GRIP1: variants seen among roughly 807,000 people sequenced by gnomAD.
GRIP1 encodes glutamate receptor-interacting protein 1.
In GRIP1, 45 loss-of-function variants were observed where a neutral mutation model predicts 129.9. The ratio of observed to expected loss-of-function variants is 0.35; its 90% CI spans 0.27 to 0.44. The LOEUF (loss-of-function observed/expected upper bound fraction) is 0.44, where lower values mean the gene tolerates loss of function less well. Ranked by LOEUF, GRIP1 falls within the 20% of genes least tolerant of loss-of-function variation. The probability of loss-of-function intolerance (pLI) is 1.00; values close to 1 mark genes in which losing one functional copy is unlikely to be tolerated. For missense variants in GRIP1, 1,196 were observed against 1,396.8 expected (o/e 0.86, Z 2.29); for synonymous variants, 530 against 520.8 (o/e 1.02, Z -0.24).
At chr12:66,976,324 T>C (rs1308859731) in intron 1 of GRIP1, among the ~76,000 whole-genome samples, 2 of 152,216 alleles carry the variant, frequency 1.3e-5, no homozygotes, top group Admixed American at 1.3e-4. Flanking sequence ...GTATTGGTGA[T>C]TTATATATCG....
At chr12:66,886,988 T>C (rs2040576349) in intron 1 of GRIP1, among the ~76,000 whole-genome samples, 2 of 152,222 alleles carry the variant, frequency 1.3e-5, no homozygotes, top group African/African-American at 4.8e-5. Flanking sequence ...TGTGCCCTTT[T>C]CACTCTATCT....
In GRIP1 at chr12:66,828,754, G is replaced by A. The variant is rs148170806; in HGVS notation, c.59-231827C>T. Among the ~76,000 whole-genome samples, 379 of 152,278 alleles carry A rather than the reference G, an allele frequency of 2.5e-3. 2 individuals carry two copies. Among genetic ancestry groups the A allele is most frequent in the African/African-American group, 8.7e-3 (361 of 41,550 alleles). ...GCCTTCTGAGAGTCGCACTATACTT[G>A]CTGCCATATCCCTCTGCAGACTTAG... On this transcript the variant is annotated intron_variant, in intron 1 of 1. Transcript: ENST00000643019.
At chr12:66,890,123 C>A (rs924693760) in intron 1 of GRIP1, among the ~76,000 whole-genome samples, 1 of 151,992 alleles carries the variant, frequency 6.6e-6, no homozygotes, top group Non-Finnish European at 1.5e-5. Context: ...GAGACAGGGT[C>A]TCACTATGTT....
At chr12:66,426,210 A>AT (rs1289225702) in intron 14 of GRIP1, among the ~76,000 whole-genome samples, 8 of 152,110 alleles carry the variant, frequency 5.3e-5, no homozygotes, top group Non-Finnish European at 8.8e-5. Flanking sequence ...ATTCTAAGAC[A>AT]TTTATACAAT....
At position 66,379,442 on chromosome 12, in the gene GRIP1, A is replaced by T. The variant is rs911932585; in HGVS notation, c.2465-6T>A. 1 of 1,613,974 alleles carries T rather than the reference A, an allele frequency of 6.2e-7. No homozygotes were observed. Among genetic ancestry groups the T allele is most frequent in the Non-Finnish European group, 8.5e-7 (1 of 1,179,814 alleles). On this transcript the variant is annotated splice_region_variant and splice_polypyrimidine_tract_variant and intron_variant, in intron 19 of 24. Transcript: ENST00000359742. ...TGAGGCCTGAAAACTAGTGCCTAAA[A>T]TATAAACAAGGTGTTAGCATTGGGC...
At chr12:66,942,260 C>T (rs1175991887) in intron 1 of GRIP1, among the ~76,000 whole-genome samples, 1 of 151,824 alleles carries the variant, frequency 6.6e-6, no homozygotes, top group Non-Finnish European at 1.5e-5. Flanking sequence ...TCTTTCTTTT[C>T]CCATCCCTTT....
intron 7 of GRIP1, among the ~76,000 whole-genome samples, chr12:66,468,679 G>GTT (rs35563749): frequency 0.034 from 5,078 of 149,050 alleles, 218 homozygotes; most frequent in African/African-American, 0.1. Context: ...CCTTAAGTTA[G>GTT]TTTTTTTTTT....
intron 1 of GRIP1, among the ~76,000 whole-genome samples, chr12:66,690,208 C>T (rs2034931506): frequency 1.3e-5 from 2 of 152,262 alleles, no homozygotes; most frequent in African/African-American, 4.8e-5. Flanking sequence ...GCGTGAACCA[C>T]CACATCCAGC....
rs71088237 is a variant in GRIP1, at chr12:67,057,436, T to TAAAA, written c.58+11610_58+11613dup. Reference sequence around the variant, plus strand: ...AATGAATTTCTACCCTCCAAGAACGTAAAAAAAAAAAAAAAAAAACTCCTG... The same window carrying TAAAA: ...AATGAATTTCTACCCTCCAAGAACGTAAAAAAAAAAAAAAAAAAAAAAACTCCTG... On this transcript the variant is annotated intron_variant, in intron 1 of 1. Coordinates refer to the GRIP1 transcript ENST00000643019. Among the ~76,000 whole-genome samples the TAAAA allele has an allele frequency of 3.7e-3, 472 of 126,782 alleles. 4 individuals carry two copies. Among genetic ancestry groups the TAAAA allele is most frequent in the African/African-American group, 0.013 (432 of 32,566 alleles). The allele number at this position is 126,782 out of a possible 152,430, so 83.2% of individuals were successfully genotyped here. A position where few individuals can be genotyped will look rare whatever the true frequency, so the allele number is the denominator to read the frequency against.
chr12:66,682,812 T>TATATC (rs1273016404), upstream of GRIP1, among the ~76,000 whole-genome samples: 8 of 152,178 alleles, frequency 5.3e-5, no homozygotes, highest in African/African-American at 1.7e-4. Context: ...TCAACTATTT[T>TATATC]ATATCATTAG....
rs61918834 is a variant in GRIP1, at chr12:67,051,468, G to A, written c.58+17582C>T. On this transcript the variant is annotated intron_variant, in intron 1 of 1. Transcript: ENST00000643019. Reference sequence around the variant, plus strand: ...GATTGATACTCTGGCAAAAGATTCCGTAATCCTACTGTGACTGAGACTGAG... The same window carrying A: ...GATTGATACTCTGGCAAAAGATTCCATAATCCTACTGTGACTGAGACTGAG... Among the ~76,000 whole-genome samples the A allele has an allele frequency of 4.6e-5, 7 of 152,272 alleles. No individual in the cohort carries two copies. The East Asian group carries it at 7.7e-4, about 17-fold the overall frequency.
intron 7 of GRIP1, among the ~76,000 whole-genome samples, chr12:66,499,840 C>T (rs11611434): frequency 0.094 from 14,246 of 151,890 alleles, 834 homozygotes; most frequent in Non-Finnish European, 0.13. Flanking sequence ...CCTGTCTCTA[C>T]AAAAAAATAA....
At chr12:66,671,482 C>T (rs2034078377) in intron 1 of GRIP1, among the ~76,000 whole-genome samples, 1 of 152,114 alleles carries the variant, frequency 6.6e-6, no homozygotes, top group African/African-American at 2.4e-5. Context: ...CTTCCTTATC[C>T]CCCATGACCC....
intron 19 of GRIP1, among the ~76,000 whole-genome samples, chr12:66,391,473 A>G (rs1360521549): frequency 6.6e-6 from 1 of 152,224 alleles, no homozygotes; most frequent in African/African-American, 2.4e-5. Context: ...TTTAATGTAG[A>G]TAGTATTTCT....
At chr12:66,817,576 AT>A (rs755626352) in intron 1 of GRIP1, among the ~76,000 whole-genome samples, 1 of 151,348 alleles carries the variant, frequency 6.6e-6, no homozygotes, top group Non-Finnish European at 1.5e-5. Flanking sequence ...TGCCTGGCTA[AT>A]TTTGTATTTT....
intron 1 of GRIP1, among the ~76,000 whole-genome samples, chr12:67,040,807 A>G (rs1040104237): frequency 5.3e-5 from 8 of 152,176 alleles, no homozygotes; most frequent in African/African-American, 1.9e-4. Flanking sequence ...GCTCTGAGTC[A>G]ATTTGGCTGG....
At chr12:67,019,162 G>A (rs565607239) in intron 1 of GRIP1, among the ~76,000 whole-genome samples, 13 of 152,254 alleles carry the variant, frequency 8.5e-5, no homozygotes, top group Middle Eastern at 3.4e-3. Context: ...TCATTCAGGC[G>A]CAAAAGGCAA....
At chr12:66,679,777 ATACTTTATT>A (rs2034511730), upstream of GRIP1, among the ~76,000 whole-genome samples, 1 of 152,210 alleles carries the variant, frequency 6.6e-6, no homozygotes, top group Non-Finnish European at 1.5e-5. Flanking sequence ...TATTTTTAAT[ATACTTTATT>A]ATACTATTTC....
At chr12:66,729,471 AGAAG>A (rs1324959556) in intron 1 of GRIP1, among the ~76,000 whole-genome samples, 3 of 152,234 alleles carry the variant, frequency 2.0e-5, no homozygotes, top group Non-Finnish European at 2.9e-5. Context: ...AAGTAAATCT[AGAAG>A]GAAGGACTAT....
Sources: allele counts gnomAD v4.1 joint callset (sites outside exome capture counted in the v4.1 genomes callset), GRCh38; gene constraint gnomAD v4.1.1; transcripts MANE v1.5; gene names NCBI Gene and HGNC (gene_info 2026-07-23, HGNC 2026-07-21).